Variants in FAM24B observed in about 807,000 individuals in gnomAD.
The protein encoded by FAM24B is family with sequence similarity 24 member B, also known as protein FAM24B.
A neutral mutation model predicts 2.3 loss-of-function variants in FAM24B; 3 were observed. The observed-to-expected ratio is 1.29, with a 90% CI of 0.59 to 3.32. FAM24B has a LOEUF of 3.32. Ranked by LOEUF, FAM24B falls within the 30% of genes most tolerant of loss-of-function variation. FAM24B has a pLI of 0.03. For missense variants in FAM24B, 98 were observed against 117.2 expected (o/e 0.84, Z 0.76); for synonymous variants, 36 against 46.3 (o/e 0.78, Z 0.90).
intron 2 of FAM24B, chr10:122,855,256 C>T (rs1310184897): frequency 1.3e-5 from 2 of 152,220 alleles, no homozygotes; most frequent in Non-Finnish European, 2.9e-5. Flanking sequence ...CCAAATGGCA[C>T]ATTTTACTAT....
At position 122,871,452 on chromosome 10, in the gene FAM24B, G is replaced by A. The variant is rs1847896681; in HGVS notation, c.-178+8033C>T. Among the ~76,000 whole-genome samples the A allele has an allele frequency of 3.3e-5, 5 of 151,796 alleles. No homozygotes were observed. The South Asian group carries it at 8.3e-4, about 25-fold the overall frequency. ...AAAAAACTACTTAAAAGTTCATATG[G>A]AACCAAAAAAGAGCCCGCATCGCCA... On this transcript the variant is annotated intron_variant, in intron 1 of 3. Coordinates refer to ENST00000368898, the MANE Select transcript of FAM24B (RefSeq NM_152644.3).
intron 1 of FAM24B, among the ~76,000 whole-genome samples, chr10:122,862,895 T>G (rs1348519353): frequency 6.6e-6 from 1 of 152,028 alleles, no homozygotes; most frequent in East Asian, 1.9e-4. Flanking sequence ...GGAAGGTATA[T>G]TCCCACTCAC....
At chr10:122,850,874 A>C (rs1210793945) in intron 2 of FAM24B, 2 of 240,152 alleles carry the variant, frequency 8.3e-6, no homozygotes, top group African/African-American at 2.2e-5. Flanking sequence ...GCAGGCCTGC[A>C]GTGGAGCTGA....
At chr10:122,873,897 T>C (rs1847939057) in intron 1 of FAM24B, among the ~76,000 whole-genome samples, 4 of 152,250 alleles carry the variant, frequency 2.6e-5, no homozygotes, top group Admixed American at 2.6e-4. Flanking sequence ...GAAATATGTC[T>C]GTTAATCTCC....
chr10:122,858,230 A>G (rs1331593185), intron 1 of FAM24B, among the ~76,000 whole-genome samples: 3 of 152,240 alleles, frequency 2.0e-5, no homozygotes. Context: ...GCCATAAAAA[A>G]TGATGAATTC....
At chr10:122,878,057 A>T (rs1319821922) in intron 1 of FAM24B, among the ~76,000 whole-genome samples, 2 of 152,368 alleles carry the variant, frequency 1.3e-5, no homozygotes, top group East Asian at 3.9e-4. Context: ...TAAGTGTAGC[A>T]GAGAGAAATT....
intron 1 of FAM24B, among the ~76,000 whole-genome samples, chr10:122,862,354 T>G (rs1270235061): frequency 6.6e-6 from 1 of 152,202 alleles, no homozygotes; most frequent in Non-Finnish European, 1.5e-5. Flanking sequence ...CCGTCTCTCA[T>G]GTTCATTTCA....
chr10:122,866,301 C>G (rs548228917), intron 1 of FAM24B, among the ~76,000 whole-genome samples: 1 of 152,192 alleles, frequency 6.6e-6, no homozygotes, highest in South Asian at 2.1e-4. Flanking sequence ...GACCAGAGGC[C>G]TATCAACTTT....
At chr10:122,850,301 C>T (rs552000640) in intron 3 of FAM24B, 123 bp downstream of exon 3, 189 of 770,986 alleles carry the variant, frequency 2.5e-4, no homozygotes, top group Non-Finnish European at 3.6e-4. Flanking sequence ...CAGGGTATGG[C>T]CACAGCAGCA....
At chr10:122,867,980 A>C (rs1467362542) in intron 1 of FAM24B, among the ~76,000 whole-genome samples, 4 of 152,212 alleles carry the variant, frequency 2.6e-5, no homozygotes, top group African/African-American at 9.6e-5. Flanking sequence ...GCTTCAGAAG[A>C]TCAAACTACT....
intron 2 of FAM24B, among the ~76,000 whole-genome samples, chr10:122,852,124 A>G (rs1847548733): frequency 6.6e-6 from 1 of 152,208 alleles, no homozygotes; most frequent in Admixed American, 6.5e-5. Flanking sequence ...AGGGCTTGGG[A>G]GTCATCATTC....
At position 122,855,721 on chromosome 10, in the gene FAM24B, T is replaced by C. The variant is rs1319467624; in HGVS notation, c.-112A>G. ...AAGAGCTCCAATCATGTGTCAGACA[T>C]CCCCTTGTCAGGCATCCTCCAGGGT... On this transcript the variant is annotated 5_prime_UTR_variant, in exon 2 of 4. It removes an upstream start codon present in the reference 5' UTR. Transcript: ENST00000368898. The C allele has an allele frequency of 1.3e-5, 2 of 152,218 alleles. No individual in the cohort carries two copies. The highest frequency in any genetic ancestry group is 4.8e-5 in the African/African-American group (2 of 41,432). 9.4% of individuals were successfully genotyped at this position (152,218 alleles called of 1,614,324 possible). A position where few individuals can be genotyped will look rare whatever the true frequency, so the allele number is the denominator to read the frequency against.
At chr10:122,849,756 G>A (rs974954733) in intron 3 of FAM24B, among the ~76,000 whole-genome samples, 4 of 151,594 alleles carry the variant, frequency 2.6e-5, no homozygotes, top group Non-Finnish European at 5.9e-5. Context: ...CCCAGGCTCC[G>A]GGATGTGCCA....
At chr10:122,874,509 G>GT (rs1265133368) in intron 1 of FAM24B, among the ~76,000 whole-genome samples, 3 of 152,078 alleles carry the variant, frequency 2.0e-5, no homozygotes. Context: ...CTTCTGAAAG[G>GT]TAATTCTTGT....
chr10:122,859,299 T>C (rs956823499), intron 1 of FAM24B, among the ~76,000 whole-genome samples: 1 of 152,220 alleles, frequency 6.6e-6, no homozygotes, highest in Non-Finnish European at 1.5e-5. Flanking sequence ...CAATTCTATA[T>C]TGAAGCTAAG....
At chr10:122,871,870 G>T (rs1046672652) in intron 1 of FAM24B, among the ~76,000 whole-genome samples, 15 of 152,144 alleles carry the variant, frequency 9.9e-5, no homozygotes, top group Admixed American at 3.9e-4. Context: ...TCAGGACATA[G>T]GCATGGGGCA....
intron 1 of FAM24B, among the ~76,000 whole-genome samples, chr10:122,871,072 G>C (rs981391337): frequency 6.6e-6 from 1 of 152,058 alleles, no homozygotes; most frequent in South Asian, 2.1e-4. Flanking sequence ...TAAGCTGATA[G>C]GCAACTTCAG....
At chr10:122,869,521 C>A (rs149727327) in intron 1 of FAM24B, among the ~76,000 whole-genome samples, 19,787 of 152,082 alleles carry the variant, frequency 0.13, 1,428 homozygotes, top group Middle Eastern at 0.22. Context: ...CAAAATTGAC[C>A]ACATACTTGG....
In FAM24B at chr10:122,866,592, A is replaced by G. The variant is rs1357683401; in HGVS notation, c.-177-10806T>C. 2.6e-5 allele frequency among the ~76,000 whole-genome samples: 4 copies of G among 152,102 alleles called. No homozygotes were observed. In the East Asian group the frequency reaches 7.7e-4, roughly 29 times the overall value. On this transcript the variant is annotated intron_variant, in intron 1 of 3. Transcript: ENST00000368898. ...CTGTCACATTTTGGTAATTCTTACA[A>G]TATTTCAAACTTTTGCTTTATTATT...
Sources: gnomAD v4.1 joint callset for allele counts (sites outside exome capture counted in the v4.1 genomes callset) on GRCh38, gnomAD v4.1.1 for gene constraint, MANE v1.5 for transcripts, NCBI Gene and HGNC (gene_info 2026-07-23, HGNC 2026-07-21) for gene names.